Variants in RAB22A observed in about 807,000 individuals in gnomAD.
RAB22A encodes ras-related protein Rab-22A.
Under a neutral mutation model 30.2 loss-of-function variants are expected in RAB22A, and 13 were observed. The observed-to-expected ratio is 0.43, with a 90% confidence interval of 0.28 to 0.68. RAB22A has a LOEUF of 0.68. Ranked by LOEUF, RAB22A falls within the 30% of genes least tolerant of loss-of-function variation. The pLI, the probability that RAB22A is intolerant of heterozygous loss-of-function variation, is 0.18. For missense variants in RAB22A, 177 were observed against 246.8 expected, an observed-to-expected ratio of 0.72 and a Z score of 1.89; for synonymous variants, 89 against 87.2, an observed-to-expected ratio of 1.02 and a Z score of -0.11.
chr20:58,351,251 G>C (rs1164715270), intron 3 of RAB22A, among the ~76,000 whole-genome samples: 1 of 151,334 alleles, frequency 6.6e-6, no homozygotes, highest in South Asian at 2.1e-4. Context: ...CACAAGAATT[G>C]CTTGAACCCG....
At chr20:58,325,404 GA>G (rs971962339) in intron 2 of RAB22A, among the ~76,000 whole-genome samples, 3 of 152,204 alleles carry the variant, frequency 2.0e-5, no homozygotes, top group Admixed American at 1.3e-4. Flanking sequence ...TTGAATCTGG[GA>G]GGCGGAGGTT....
chr20:58,343,136 A>T (rs1197692881), intron 2 of RAB22A, among the ~76,000 whole-genome samples: 1 of 152,134 alleles, frequency 6.6e-6, no homozygotes, highest in Non-Finnish European at 1.5e-5. Flanking sequence ...CGTTTTGTCG[A>T]TGAAATGCAG....
chr20:58,343,618 G>A, intron 2 of RAB22A, 100 bp from the exon 3 acceptor site: 1 of 849,624 alleles, frequency 1.2e-6, no homozygotes, highest in South Asian at 1.5e-5. Flanking sequence ...GCGTGGTGCT[G>A]GGAGACTGAG....
At chr20:58,357,543 C>A (rs975576933) in intron 6 of RAB22A, among the ~76,000 whole-genome samples, 1 of 152,084 alleles carries the variant, frequency 6.6e-6, no homozygotes, top group Non-Finnish European at 1.5e-5. Flanking sequence ...TTACCTGTTC[C>A]CAGCTCATGA....
At chr20:58,335,338 A>G (rs1314065514) in intron 2 of RAB22A, among the ~76,000 whole-genome samples, 1 of 152,170 alleles carries the variant, frequency 6.6e-6, no homozygotes, top group Non-Finnish European at 1.5e-5. Flanking sequence ...TTTCTAAACC[A>G]ATTAAAAATT....
intron 2 of RAB22A, 43 bp from the exon 3 acceptor site, chr20:58,343,675 C>A: frequency 6.7e-7 from 1 of 1,491,808 alleles, no homozygotes; most frequent in Middle Eastern, 1.7e-4. Context: ...TGGAAACGTG[C>A]TTTACATAAT....
rs867998439 is a variant in RAB22A at position 58,309,915 on chromosome 20, G to A, written c.-62G>A. 8.8e-5 allele frequency: 110 copies of A among 1,249,148 alleles called. No individual in the cohort carries two copies. In the Middle Eastern group the frequency reaches 3.3e-3, roughly 37 times the overall value. 77.4% of individuals were successfully genotyped at this position (1,249,148 alleles called of 1,614,324 possible). ...GCGGCGCCAGGGGATGCTCTTGCTG[G>A]GCCTGGCCTCTCCCTTCTCAACTTA... On this transcript the variant is annotated 5_prime_UTR_variant, in exon 1 of 7. Transcript: ENST00000244040.
chr20:58,349,984 A>C (rs548817061), intron 3 of RAB22A, among the ~76,000 whole-genome samples: 1 of 152,208 alleles, frequency 6.6e-6, no homozygotes, highest in African/African-American at 2.4e-5. Flanking sequence ...AAACTAGGCC[A>C]GGCACAGTGG....
chr20:58,322,728 A>G (rs1986484417), intron 2 of RAB22A, among the ~76,000 whole-genome samples: 1 of 152,196 alleles, frequency 6.6e-6, no homozygotes, highest in South Asian at 2.1e-4. Flanking sequence ...CCCTTCTCCC[A>G]GGCTTTGTGC....
At chr20:58,324,817 A>G (rs1986528684) in intron 2 of RAB22A, among the ~76,000 whole-genome samples, 1 of 139,620 alleles carries the variant, frequency 7.2e-6, no homozygotes, top group Non-Finnish European at 1.5e-5. Flanking sequence ...CAGTGAGCCG[A>G]GATCGCACCA....
chr20:58,309,908 C>T lies in RAB22A; in HGVS notation c.-69C>T, dbSNP rs1986185503. 1.6e-6 allele frequency: 2 copies of T among 1,241,086 alleles called. No individual in the cohort carries two copies. The highest frequency in any genetic ancestry group is 2.0e-6 in the Non-Finnish European group (2 of 981,550). 76.9% of individuals were successfully genotyped at this position (1,241,086 alleles called of 1,614,324 possible). On this transcript the variant is annotated 5_prime_UTR_variant, in exon 1 of 7. Coordinates refer to ENST00000244040, the MANE Select transcript of RAB22A (RefSeq NM_020673.3). ...GGCGGCAGCGGCGCCAGGGGATGCT[C>T]TTGCTGGGCCTGGCCTCTCCCTTCT...
chr20:58,321,306 G>A (rs1328849627), intron 2 of RAB22A, among the ~76,000 whole-genome samples: 1 of 152,104 alleles, frequency 6.6e-6, no homozygotes, highest in Non-Finnish European at 1.5e-5. Flanking sequence ...AGAGGTTGTA[G>A]TGAGCCGAGA....
chr20:58,327,900 A>G (rs1283973169), intron 2 of RAB22A, among the ~76,000 whole-genome samples: 4 of 152,232 alleles, frequency 2.6e-5, no homozygotes, highest in Non-Finnish European at 4.4e-5. Context: ...GAAGGAAACT[A>G]TAAAGAGTCA....
intron 1 of RAB22A, among the ~76,000 whole-genome samples, chr20:58,310,450 G>T (rs1396132621): frequency 6.6e-6 from 1 of 152,148 alleles, no homozygotes; most frequent in East Asian, 1.9e-4. Context: ...GAACTTGTGG[G>T]ATACCCCTGC....
intron 3 of RAB22A, among the ~76,000 whole-genome samples, chr20:58,349,558 A>G (rs1038189001): frequency 3.9e-5 from 6 of 152,216 alleles, no homozygotes; most frequent in Non-Finnish European, 7.3e-5. Context: ...ACAAGACAGC[A>G]GAGATTTCAG....
At chr20:58,353,035 G>A (rs998076576) in intron 3 of RAB22A, among the ~76,000 whole-genome samples, 10 of 152,262 alleles carry the variant, frequency 6.6e-5, no homozygotes, top group South Asian at 2.1e-4. Context: ...TGTTTATAGC[G>A]CCATATTTAA....
intron 2 of RAB22A, among the ~76,000 whole-genome samples, chr20:58,323,322 T>C (rs1193310820): frequency 3.3e-5 from 5 of 152,184 alleles, no homozygotes; most frequent in African/African-American, 1.2e-4. Context: ...TGAAGTTATA[T>C]CCAGTAACCT....
chr20:58,348,792 TAAAAA>T (rs3069357), intron 3 of RAB22A, among the ~76,000 whole-genome samples: 21 of 150,004 alleles, frequency 1.4e-4, no homozygotes, highest in Non-Finnish European at 5.9e-5. Context: ...CTGATGAGCT[TAAAAA>T]AAAAAAATCG....
intron 2 of RAB22A, among the ~76,000 whole-genome samples, chr20:58,321,025 A>T (rs914741761): frequency 6.6e-6 from 1 of 152,004 alleles, no homozygotes; most frequent in Non-Finnish European, 1.5e-5. Context: ...CCCCGTGTCT[A>T]CTAAAAATAC....
Sources: allele counts gnomAD v4.1 joint callset (sites outside exome capture counted in the v4.1 genomes callset), GRCh38; gene constraint gnomAD v4.1.1; transcripts MANE v1.5; gene names NCBI Gene and HGNC (gene_info 2026-07-23, HGNC 2026-07-21).